HPGD: variants seen among roughly 807,000 people sequenced by gnomAD.
HPGD encodes the protein 15-hydroxyprostaglandin dehydrogenase [NAD(+)].
In HPGD, 29 loss-of-function variants were observed where a neutral mutation model predicts 30.0. That is an observed-to-expected ratio of 0.97 (90% CI 0.72 to 1.32). HPGD has a LOEUF of 1.32. Among genes scored for constraint, HPGD ranks in the 40% most tolerant of loss-of-function variants. The probability of loss-of-function intolerance (pLI) is 0.00; values close to 1 mark genes in which losing one functional copy is unlikely to be tolerated. For missense variants in HPGD, 340 were observed against 322.1 expected (o/e 1.06, Z -0.43); for synonymous variants, 99 against 112.4 (o/e 0.88, Z 0.75).
chr4:174,511,727 AG>A (rs1207104791), intron 3 of HPGD, among the ~76,000 whole-genome samples: 2 of 152,084 alleles, frequency 1.3e-5, no homozygotes, highest in Non-Finnish European at 2.9e-5. Context: ...GCTCACTGCA[AG>A]CTCCGCCTCC....
chr4:174,494,299 G>A lies in HPGD; in HGVS notation c.499-985C>T, dbSNP rs1051852150. ...AGGTTATGTATTGACTGGTTGATTG[G>A]AGTTTTGTGACCAGAGGCTTTCAGG... On this transcript the variant is annotated intron_variant, in intron 5 of 6. Transcript: ENST00000296522. The surrounding 1 kb of genome is among the most constrained non-coding windows in gnomAD (Gnocchi z 4.9). Among the ~76,000 whole-genome samples, 3 of 152,168 alleles carry A rather than the reference G, an allele frequency of 2.0e-5. No homozygotes were observed. The highest frequency in any genetic ancestry group is 4.4e-5 in the Non-Finnish European group (3 of 68,026).
At position 174,491,055 on chromosome 4, in the gene HPGD, T is replaced by C. The variant is rs1009732422; in HGVS notation, c.*901A>G. 3.9e-5 allele frequency: 6 copies of C among 152,662 alleles called. No individual in the cohort carries two copies. Among genetic ancestry groups the C allele is most frequent in the Non-Finnish European group, 7.4e-5 (5 of 67,988 alleles). The allele number at this position is 152,662 out of a possible 1,614,324, so 9.5% of individuals were successfully genotyped here. ...GTTTTATTTCCTTGATAGCTATACA[T>C]AGAAGACTAAGTAATTTATGGAGAT... On this transcript the variant is annotated 3_prime_UTR_variant, in exon 7 of 7. Coordinates refer to ENST00000296522, the MANE Select transcript of HPGD (RefSeq NM_000860.6).
At chr4:174,509,483 G>A (rs1413467589) in intron 3 of HPGD, among the ~76,000 whole-genome samples, 1 of 152,190 alleles carries the variant, frequency 6.6e-6, no homozygotes, top group African/African-American at 2.4e-5. Context: ...GAGGCAATCA[G>A]CTAGAGATGG....
At chr4:174,521,916 A>G in intron 2 of HPGD, 28 bp downstream of exon 2, 1 of 1,613,790 alleles carries the variant, frequency 6.2e-7, no homozygotes, top group Non-Finnish European at 8.5e-7. Flanking sequence ...GCACGTTCCC[A>G]GTTGACAGAT....
In HPGD at chr4:174,508,702, A is replaced by C; in HGVS notation, c.415T>G (p.Leu139Val). Residue 139 changes from leucine (L) to valine (V), a missense_variant, in exon 4 of 7, where the codon TTA becomes GTA. Coordinates refer to ENST00000296522, the MANE Select transcript of HPGD (RefSeq NM_000860.6). ...EGGIIINMSS[L>V]AGLMPVAQQP... ...ATGTAATAATTGCCCTTACCTGCTAAAGATGACATATTGATAATGATGCCG... is the reference window on the plus strand; with the variant it reads ...ATGTAATAATTGCCCTTACCTGCTACAGATGACATATTGATAATGATGCCG... The C allele has an allele frequency of 1.3e-6, 2 of 1,586,300 alleles. No homozygotes were observed. Among genetic ancestry groups the C allele is most frequent in the Non-Finnish European group, 1.7e-6 (2 of 1,154,888 alleles).
chr4:174,522,398 G>A lies in HPGD; in HGVS notation c.54C>T (p.Gly18=). The A allele has an allele frequency of 6.3e-7, 1 of 1,581,964 alleles. No individual in the cohort carries two copies. Among genetic ancestry groups the A allele is most frequent in the Non-Finnish European group, 8.6e-7 (1 of 1,164,696 alleles). ...ALVTGAAQGI[G]RAFAEALLLK... is the part of the protein sequence containing the mutation. Reference sequence around the variant, plus strand: ...GCAGCAGCGCCTCTGCAAAGGCTCTGCCTATGCCCTGAGCCGCGCCGGTCA... The same window carrying A: ...GCAGCAGCGCCTCTGCAAAGGCTCTACCTATGCCCTGAGCCGCGCCGGTCA... Residue 18 remains glycine, a synonymous_variant, in exon 1 of 7, where the codon GGC becomes GGT. Coordinates refer to ENST00000296522, the MANE Select transcript of HPGD (RefSeq NM_000860.6).
rs977152994 is a variant in HPGD, at chr4:174,493,323, T to C, written c.499-9A>G. 1 of 1,612,608 alleles carries C rather than the reference T, an allele frequency of 6.2e-7. No individual in the cohort carries two copies. Among genetic ancestry groups the C allele is most frequent in the African/African-American group, 1.3e-5 (1 of 74,868 alleles). On this transcript the variant is annotated splice_polypyrimidine_tract_variant and intron_variant, in intron 5 of 6. Coordinates refer to ENST00000296522, the MANE Select transcript of HPGD (RefSeq NM_000860.6). The stretch of plus-strand genomic sequence containing the variant: ...ATAAGATTAGCAGCCAACTGCCAAT[T>C]AGAAGGTTGTAGGTTTCAGCAGTTT...
chr4:174,521,606 C>T (rs1736126678), intron 2 of HPGD, among the ~76,000 whole-genome samples: 1 of 152,212 alleles, frequency 6.6e-6, no homozygotes, highest in Non-Finnish European at 1.5e-5. Context: ...CCTTACTTAA[C>T]CTACTTTAAT....
intron 4 of HPGD, among the ~76,000 whole-genome samples, chr4:174,503,769 C>G (rs1735038407): frequency 6.6e-6 from 1 of 151,018 alleles, no homozygotes; most frequent in African/African-American, 2.4e-5. Flanking sequence ...ATTGCCCAGG[C>G]TGGAGTGCAG....
rs942375646 is a variant in HPGD at position 174,492,842 on chromosome 4, T to C, written c.662+309A>G. Among the ~76,000 whole-genome samples the C allele has an allele frequency of 6.6e-6, 1 of 152,126 alleles. No homozygotes were observed. The highest frequency in any genetic ancestry group is 6.6e-5 in the Admixed American group (1 of 15,266). The stretch of plus-strand genomic sequence containing the variant: ...AACTTGCAATATTTCACAGACTATA[T>C]TTGAATATTGCTTGGAATTTAGGCA... On this transcript the variant is annotated intron_variant, in intron 6 of 6. Transcript: ENST00000296522. This position sits in a 1 kb window ranked among gnomAD's most constrained non-coding sequence, Gnocchi z 4.9.
chr4:174,513,414 C>G (rs567514208), intron 3 of HPGD, among the ~76,000 whole-genome samples: 3 of 151,352 alleles, frequency 2.0e-5, no homozygotes, highest in East Asian at 3.9e-4. Flanking sequence ...AAATACAACT[C>G]TTAATAAGTC....
Position 174,522,048 on chromosome 4 carries a change from T to C in HPGD, c.113A>G (p.Asn38Ser), listed in dbSNP as rs769839008. 1 of 1,614,174 alleles carries C rather than the reference T, an allele frequency of 6.2e-7. No homozygotes were observed. Among genetic ancestry groups the C allele is most frequent in the East Asian group, 2.2e-5 (1 of 44,878 alleles). The change falls in exon 2 of 7, where the codon AAT (asparagine) becomes AGT (serine). Residue 38 changes from asparagine to serine, a missense_variant. Transcript: ENST00000296522. Reference protein sequence around the residue: ...KGAKVALVDWNLEAGVQCKAA... With the variant: ...KGAKVALVDWSLEAGVQCKAA... ...TTTACACTGTACACCTGCTTCAAGATTCCAATCCACCAGCGCTACCTATAG... is the reference window on the plus strand; with the variant it reads ...TTTACACTGTACACCTGCTTCAAGACTCCAATCCACCAGCGCTACCTATAG...
Position 174,496,442 on chromosome 4 carries a change from A to G in HPGD, c.422-818T>C, listed in dbSNP as rs1314136844. On this transcript the variant is annotated intron_variant, in intron 4 of 6. Transcript: ENST00000296522. The surrounding 1 kb of genome is among the most constrained non-coding windows in gnomAD (Gnocchi z 4.6). ...CAGCCTAGCTCAGCTCTCCGAAAAG[A>G]CACAAAACAACAACAATAAAAACCT... Among the ~76,000 whole-genome samples the G allele has an allele frequency of 3.3e-5, 5 of 152,330 alleles. No individual in the cohort carries two copies. Among genetic ancestry groups the G allele is most frequent in the Non-Finnish European group, 7.3e-5 (5 of 68,030 alleles).
intron 3 of HPGD, among the ~76,000 whole-genome samples, chr4:174,511,530 C>T (rs942142041): frequency 3.9e-5 from 6 of 152,356 alleles, no homozygotes; most frequent in Admixed American, 3.3e-4. Context: ...TACAAAACTA[C>T]ATGACAGAAT....
At chr4:174,495,748 G>A in intron 4 of HPGD, 124 bp from the exon 5 acceptor site, 1 of 746,194 alleles carries the variant, frequency 1.3e-6, no homozygotes, top group Non-Finnish European at 2.3e-6. Flanking sequence ...GAATAACACA[G>A]TAACATAAAA....
At chr4:174,503,171 G>C (rs1340008316) in intron 4 of HPGD, among the ~76,000 whole-genome samples, 1 of 151,896 alleles carries the variant, frequency 6.6e-6, no homozygotes, top group African/African-American at 2.4e-5. Context: ...ACTATTTTAA[G>C]CCAAAAGAGA....
intron 4 of HPGD, among the ~76,000 whole-genome samples, chr4:174,504,243 T>C (rs1335496521): frequency 6.6e-6 from 1 of 152,182 alleles, no homozygotes; most frequent in African/African-American, 2.4e-5. Flanking sequence ...ATGAGCTAAT[T>C]ATATTATTAT....
Position 174,509,952 on chromosome 4 carries a change from A to G in HPGD, c.325-1160T>C, listed in dbSNP as rs530846582. Among the ~76,000 whole-genome samples, 91 of 151,452 alleles carry G rather than the reference A, an allele frequency of 6.0e-4. 1 individual carries two copies. Among genetic ancestry groups the G allele is most frequent in the African/African-American group, 2.2e-3 (91 of 41,292 alleles). On this transcript the variant is annotated intron_variant, in intron 3 of 6. Transcript: ENST00000296522. Reference sequence around the variant, plus strand: ...AAAAAAAACCTGTGTGATCAAATTGATATTTCAAACCTTACTTTTCCTTTT... The same window carrying G: ...AAAAAAAACCTGTGTGATCAAATTGGTATTTCAAACCTTACTTTTCCTTTT...
Position 174,491,869 on chromosome 4 carries a change from T to C in HPGD, c.*87A>G, listed in dbSNP as rs45522334. ...AAGGAAAACTTCAAACTGTAACATT[T>C]CATTTAAAAGCTATATTCAAATGAA... is the stretch of plus-strand genomic sequence containing the variant. On this transcript the variant is annotated 3_prime_UTR_variant, in exon 7 of 7. Transcript: ENST00000296522. 11,077 of 1,249,398 alleles carry C rather than the reference T, an allele frequency of 8.9e-3. 83 individuals are homozygous for C. The highest frequency in any genetic ancestry group is 0.011 in the Non-Finnish European group (9,531 of 854,900). 77.4% of individuals were successfully genotyped at this position (1,249,398 alleles called of 1,614,324 possible).
Sources: gnomAD v4.1 joint callset for allele counts (sites outside exome capture counted in the v4.1 genomes callset) on GRCh38, gnomAD v4.1.1 for gene constraint, Gnocchi (gnomAD v3.1) non-coding constraint, MANE v1.5 for transcripts, NCBI Gene and HGNC (gene_info 2026-07-23, HGNC 2026-07-21) for gene names.